KRT72: variants seen among roughly 807,000 people sequenced by gnomAD.
KRT72 encodes keratin 72.
KRT72 carries 44 observed loss-of-function variants against 44.7 expected under a neutral mutation model. That is an observed-to-expected ratio of 0.98 (90% confidence interval 0.77 to 1.27). The LOEUF is 1.27. Among genes scored for constraint, KRT72 ranks in the 50% most tolerant of loss-of-function variants. KRT72 has a pLI of 0.00. For synonymous variants in KRT72, 302 were observed against 280.4 expected, an observed-to-expected ratio of 1.08 and a Z score of -0.77; for missense variants, 736 against 667.1, an observed-to-expected ratio of 1.10 and a Z score of -1.14.
intron 8 of KRT72, 69 bp downstream of exon 8, chr12:52,586,877 C>G: frequency 7.0e-7 from 1 of 1,426,420 alleles, no homozygotes; most frequent in East Asian, 2.3e-5. Flanking sequence ...TCTTTTGTGT[C>G]ATGAATTAAA....
chr12:52,585,974 C>T lies in KRT72; in HGVS notation c.*8G>A, dbSNP rs1393860457. ...AGCCTTCTGCTCACAGAGCCAACCA[C>T]TTGTCCATCATCTGGAGGCCTTTTT... On this transcript the variant is annotated 3_prime_UTR_variant, in exon 9 of 9. Transcript: ENST00000293745. The T allele has an allele frequency of 6.2e-7, 1 of 1,610,008 alleles. No homozygotes were observed. The highest frequency in any genetic ancestry group is 1.1e-5 in the South Asian group (1 of 90,722).
Position 52,589,798 on chromosome 12 carries a change from T to C in KRT72, c.1089+1038A>G, listed in dbSNP as rs1939926647. On this transcript the variant is annotated intron_variant, in intron 6 of 8. Transcript: ENST00000293745. ...CTGACCACCAAAGCAAGTCAGTTTC[T>C]GGTAATAACTTCGTCCAACCATAAA... Among the ~76,000 whole-genome samples, 4 of 152,234 alleles carry C rather than the reference T, an allele frequency of 2.6e-5. No individual in the cohort carries two copies. In the South Asian group the frequency reaches 6.2e-4, roughly 24 times the overall value.
At chr12:52,590,753 T>C in intron 6 of KRT72, 83 bp downstream of exon 6, 1 of 1,365,144 alleles carries the variant, frequency 7.3e-7, no homozygotes, top group Non-Finnish European at 9.9e-7. Flanking sequence ...GAGGGCACTG[T>C]GTTTTACCCT....
intron 2 of KRT72, among the ~76,000 whole-genome samples, chr12:52,594,787 T>C (rs1190864438): frequency 6.6e-6 from 1 of 152,206 alleles, no homozygotes; most frequent in African/African-American, 2.4e-5. Flanking sequence ...GGCTGAGCAG[T>C]GCAGGGTAGT....
chr12:52,586,288 G>T, intron 8 of KRT72, 116 bp from the exon 9 acceptor site: 1 of 745,956 alleles, frequency 1.3e-6, no homozygotes, highest in Non-Finnish European at 2.2e-6. Context: ...TTCCTGCTGA[G>T]ATGGATTCTC....
In KRT72 at chr12:52,599,136, C is replaced by T. The variant is rs775881870; in HGVS notation, c.427-24G>A. The T allele has an allele frequency of 7.4e-5, 119 of 1,610,656 alleles. 1 individual carries two copies. Among genetic ancestry groups the T allele is most frequent in the Non-Finnish European group, 2.5e-6 (3 of 1,177,308 alleles). ...ACCTGGAACCCAAAGGCAGTCATCG[C>T]CCAGAGTCCCCATGTTGTTGCCTCT... On this transcript the variant is annotated intron_variant, in intron 1 of 8. Coordinates refer to ENST00000293745, the MANE Select transcript of KRT72 (RefSeq NM_080747.3).
chr12:52,598,752 C>G (rs903763360), intron 2 of KRT72, 146 bp downstream of exon 2: 2 of 673,916 alleles, frequency 3.0e-6, no homozygotes, highest in Non-Finnish European at 5.3e-6. Flanking sequence ...GTAGGTAGAT[C>G]TATTCTTTTC....
intron 6 of KRT72, among the ~76,000 whole-genome samples, chr12:52,590,622 G>A (rs1565616405): frequency 6.6e-6 from 1 of 152,090 alleles, no homozygotes; most frequent in South Asian, 2.1e-4. Context: ...CTTCCCTGGG[G>A]TCCTCATTCA....
upstream of KRT72, among the ~76,000 whole-genome samples, chr12:52,602,796 A>C (rs185949216): frequency 6.6e-6 from 1 of 152,174 alleles, no homozygotes; most frequent in Admixed American, 6.5e-5. Context: ...TGGGGACCTC[A>C]TGGGTTGGTT....
At chr12:52,590,694 C>A (rs1042228807) in intron 6 of KRT72, 142 bp downstream of exon 6, 4 of 755,164 alleles carry the variant, frequency 5.3e-6, no homozygotes, top group Non-Finnish European at 7.9e-6. Flanking sequence ...TTTATCCCTC[C>A]ATATCTGTTC....
At chr12:52,594,138 C>G (rs1257679144) in intron 2 of KRT72, among the ~76,000 whole-genome samples, 4 of 152,178 alleles carry the variant, frequency 2.6e-5, no homozygotes, top group Non-Finnish European at 5.9e-5. Context: ...CTTTTCAGCT[C>G]TTCGCTCATT....
At chr12:52,586,315 G>C in intron 8 of KRT72, 143 bp from the exon 9 acceptor site, 1 of 638,742 alleles carries the variant, frequency 1.6e-6, no homozygotes, top group Non-Finnish European at 2.7e-6. Context: ...GTGTGTTTCA[G>C]TCTACTAAGA....
At position 52,601,255 on chromosome 12, in the gene KRT72, C is replaced by G; in HGVS notation, c.198G>C (p.Arg66=). ...RSLALSAAAR[R]GGGRLGGFVG... is the part of the protein sequence containing the mutation. Reference sequence around the variant, plus strand: ...CGAAGCCGCCCAGGCGGCCGCCGCCCCGCCGTGCAGCAGCGCTGAGCGCCA... The same window carrying G: ...CGAAGCCGCCCAGGCGGCCGCCGCCGCGCCGTGCAGCAGCGCTGAGCGCCA... Residue 66 remains arginine, a synonymous_variant, in exon 1 of 9, where the codon CGG becomes CGC. Coordinates refer to ENST00000293745, the MANE Select transcript of KRT72 (RefSeq NM_080747.3). The G allele has an allele frequency of 6.4e-7, 1 of 1,564,660 alleles. No homozygotes were observed. Among genetic ancestry groups the G allele is most frequent in the Non-Finnish European group, 8.7e-7 (1 of 1,155,172 alleles).
In KRT72 at chr12:52,601,448, C is replaced by T. The variant is rs1233380857; in HGVS notation, c.5G>A (p.Ser2Asn). Residue 2 changes from serine to asparagine, a missense_variant, in exon 1 of 9, where the codon AGC becomes AAC. Physicochemically the swap from Ser to Asn is conservative, Grantham distance 46. Coordinates refer to ENST00000293745, the MANE Select transcript of KRT72 (RefSeq NM_080747.3). M[S>N]RQLTHFPRGE... ...GCGGGGGAAATGGGTCAGTTGGCGG[C>T]TCATGGCTCGCAAGTACCGGTGCTG... The T allele has an allele frequency of 6.5e-7, 1 of 1,535,996 alleles. No homozygotes were observed. Among genetic ancestry groups the T allele is most frequent in the East Asian group, 2.4e-5 (1 of 40,892 alleles).
chr12:52,592,299 C>T, intron 4 of KRT72, 97 bp downstream of exon 4: 1 of 832,788 alleles, frequency 1.2e-6, no homozygotes, highest in South Asian at 1.4e-5. Context: ...AAAGCTTTCT[C>T]CCTCCCAATT....
At chr12:52,598,460 C>G (rs914275971) in intron 2 of KRT72, among the ~76,000 whole-genome samples, 2 of 152,226 alleles carry the variant, frequency 1.3e-5, no homozygotes, top group African/African-American at 4.8e-5. Flanking sequence ...CAATCATCCT[C>G]AAACATTCTC....
intron 2 of KRT72, among the ~76,000 whole-genome samples, chr12:52,598,312 G>A (rs1392619357): frequency 6.6e-6 from 1 of 152,190 alleles, no homozygotes; most frequent in Non-Finnish European, 1.5e-5. Context: ...AATTGTGGAA[G>A]AAGCCACCTG....
intron 2 of KRT72, among the ~76,000 whole-genome samples, chr12:52,597,274 T>C (rs932558668): frequency 3.3e-5 from 5 of 152,234 alleles, no homozygotes; most frequent in Admixed American, 1.3e-4. Context: ...CTTCAGCGTA[T>C]ACAATGATGC....
chr12:52,587,811 C>CG lies in KRT72; in HGVS notation c.1129dup (p.Arg377ProfsTer15). On this transcript the variant is annotated frameshift_variant, in exon 7 of 9. Coordinates refer to ENST00000293745, the MANE Select transcript of KRT72 (RefSeq NM_080747.3). LOFTEE classifies it high-confidence loss of function. ...GGCATCTTTCAGGGCGCAGTCCCCCCGCTGTTCAGCGTCGGCGATGGCCGT... is the reference window on the plus strand; with the variant it reads ...GGCATCTTTCAGGGCGCAGTCCCCCCGGCTGTTCAGCGTCGGCGATGGCCGT... 1.2e-6 allele frequency: 2 copies of CG among 1,614,168 alleles called. No individual in the cohort carries two copies. Among genetic ancestry groups the CG allele is most frequent in the African/African-American group, 2.7e-5 (2 of 75,044 alleles).
Sources: allele counts gnomAD v4.1 joint callset (sites outside exome capture counted in the v4.1 genomes callset), GRCh38; gene constraint gnomAD v4.1.1; transcripts MANE v1.5; gene names NCBI Gene and HGNC (gene_info 2026-07-23, HGNC 2026-07-21).